Variants in PTPRD observed in about 807,000 individuals in gnomAD.
The protein encoded by PTPRD is protein tyrosine phosphatase receptor type D, also known as receptor-type tyrosine-protein phosphatase delta.
Under a neutral mutation model 214.5 loss-of-function variants are expected in PTPRD, and 34 were observed. That is an observed-to-expected ratio of 0.16 (90% confidence interval 0.12 to 0.21). The LOEUF is 0.21. Ranked by LOEUF, PTPRD falls within the 10% of genes least tolerant of loss-of-function variation. PTPRD has a pLI of 1.00. For missense variants in PTPRD, 2,545 were observed against 2,398.7 expected (o/e 1.06, Z -1.27); for synonymous variants, 1,128 against 845.7 (o/e 1.33, Z -5.79).
At chr9:8,478,368 G>T (rs542037374) in intron 30 of PTPRD, among the ~76,000 whole-genome samples, 2 of 152,148 alleles carry the variant, frequency 1.3e-5, no homozygotes, top group South Asian at 4.2e-4. Flanking sequence ...TTGTTTAAAA[G>T]AAAAAGTTGA....
intron 35 of PTPRD, among the ~76,000 whole-genome samples, chr9:8,421,604 G>A (rs967795748): frequency 6.6e-6 from 1 of 152,096 alleles, no homozygotes; most frequent in Non-Finnish European, 1.5e-5. Flanking sequence ...ACAGGCACCT[G>A]TATCACCCTA....
At chr9:9,173,430 C>G (rs767951989) in intron 10 of PTPRD, among the ~76,000 whole-genome samples, 8 of 152,062 alleles carry the variant, frequency 5.3e-5, no homozygotes, top group Non-Finnish European at 1.0e-4. Flanking sequence ...GGGATACATT[C>G]TGATAAATGT....
intron 11 of PTPRD, among the ~76,000 whole-genome samples, chr9:8,976,914 T>C (rs549756360): frequency 1.3e-5 from 2 of 152,202 alleles, no homozygotes; most frequent in South Asian, 2.1e-4. Context: ...TCTCTAACCC[T>C]GACTTTTCTT....
chr9:8,794,202 T>C (rs769890186), intron 11 of PTPRD, among the ~76,000 whole-genome samples: 9 of 152,070 alleles, frequency 5.9e-5, no homozygotes, highest in Non-Finnish European at 1.3e-4. Context: ...CTCCCTAAAC[T>C]CATTTAAAAA....
chr9:8,393,736 A>G (rs1334717113), intron 36 of PTPRD, among the ~76,000 whole-genome samples: 3 of 152,162 alleles, frequency 2.0e-5, no homozygotes, highest in Admixed American at 6.6e-5. Context: ...TTGTAACCCC[A>G]TAAATAATTG....
intron 11 of PTPRD, among the ~76,000 whole-genome samples, chr9:8,987,920 A>G (rs1165048454): frequency 6.6e-6 from 1 of 152,154 alleles, no homozygotes; most frequent in Non-Finnish European, 1.5e-5. Context: ...ATAAGGCTGA[A>G]TGACCCTTGT....
rs143637260 is a variant in PTPRD, at chr9:9,877,930, G to A, written c.-368+60577C>T. Among the ~76,000 whole-genome samples, 212 of 130,560 alleles carry A rather than the reference G, an allele frequency of 1.6e-3. 1 individual carries two copies. The highest frequency in any genetic ancestry group is 5.7e-3 in the African/African-American group (189 of 33,022). The allele number at this position is 130,560 out of a possible 152,430, so 85.7% of individuals were successfully genotyped here. On this transcript the variant is annotated intron_variant, in intron 5 of 45. Coordinates refer to ENST00000381196, the MANE Select transcript of PTPRD (RefSeq NM_002839.4). Reference sequence around the variant, plus strand: ...GGAGGTTGCGGTGAGCTGAGATCACGCCATTGCACTCCAACCTGGGCAACA... The same window carrying A: ...GGAGGTTGCGGTGAGCTGAGATCACACCATTGCACTCCAACCTGGGCAACA...
intron 11 of PTPRD, among the ~76,000 whole-genome samples, chr9:8,809,224 ATCTGTATATTCAG>A (rs1297519222): frequency 3.3e-5 from 5 of 152,170 alleles, no homozygotes; most frequent in African/African-American, 7.2e-5. Context: ...GTTTTGTAAT[ATCTGTATATTCAG>A]AGACTGAAAC....
intron 9 of PTPRD, among the ~76,000 whole-genome samples, chr9:9,284,409 C>T (rs1948723217): frequency 6.6e-6 from 1 of 151,600 alleles, no homozygotes; most frequent in Non-Finnish European, 1.5e-5. Flanking sequence ...TCTTGCTCTC[C>T]CTGAATGCCT....
rs562990910 is a variant in PTPRD at position 10,187,436 on chromosome 9, T to C, written c.-545+153527A>G. ...ATTTAGGCATTTGCACAAAGACCTC[T>C]CAACAAAAATTTACTTTACAGTTTG... is the stretch of plus-strand genomic sequence containing the variant. On this transcript the variant is annotated intron_variant, in intron 3 of 45. Coordinates refer to ENST00000381196, the MANE Select transcript of PTPRD (RefSeq NM_002839.4). Among the ~76,000 whole-genome samples the C allele has an allele frequency of 2.6e-5, 4 of 152,326 alleles. No homozygotes were observed. In the East Asian group the frequency reaches 7.7e-4, roughly 29 times the overall value.
chr9:8,535,340 C>T (rs962930894), intron 14 of PTPRD, among the ~76,000 whole-genome samples: 4 of 151,914 alleles, frequency 2.6e-5, no homozygotes, highest in African/African-American at 9.7e-5. Context: ...AGACACGCAA[C>T]TAAATTTAAA....
chr9:9,389,473 G>A (rs2065057204), intron 9 of PTPRD, among the ~76,000 whole-genome samples: 1 of 152,146 alleles, frequency 6.6e-6, no homozygotes, highest in East Asian at 1.9e-4. Context: ...TCGTGCCATT[G>A]CACTCCAGCT....
chr9:8,584,071 C>G (rs1264366821), intron 14 of PTPRD, among the ~76,000 whole-genome samples: 4 of 152,088 alleles, frequency 2.6e-5, no homozygotes, highest in African/African-American at 9.7e-5. Context: ...GGAGGATCAC[C>G]TGAGCCTGGT....
intron 6 of PTPRD, among the ~76,000 whole-genome samples, chr9:9,747,269 T>A (rs1013790272): frequency 6.6e-6 from 1 of 152,150 alleles, no homozygotes; most frequent in South Asian, 2.1e-4. Context: ...AGGCTCATGA[T>A]TTCCGATATG....
chr9:9,246,337 C>A (rs1176997924), intron 9 of PTPRD, among the ~76,000 whole-genome samples: 1 of 152,040 alleles, frequency 6.6e-6, no homozygotes, highest in Admixed American at 6.6e-5. Context: ...TGCAGCCCTG[C>A]AAGCTGAAGC....
At chr9:10,063,808 T>C (rs1428198815) in intron 3 of PTPRD, among the ~76,000 whole-genome samples, 1 of 151,978 alleles carries the variant, frequency 6.6e-6, no homozygotes, top group Admixed American at 6.6e-5. Context: ...GAAACATCTA[T>C]TGCAGGTAGC....
intron 12 of PTPRD, chr9:8,713,648 T>C: frequency 6.6e-7 from 1 of 1,522,374 alleles, no homozygotes; most frequent in East Asian, 2.3e-5. Context: ...TACCGAGACA[T>C]GGGCGCCCGG....
intron 11 of PTPRD, among the ~76,000 whole-genome samples, chr9:8,868,649 C>G (rs2098241844): frequency 6.6e-6 from 1 of 152,100 alleles, no homozygotes; most frequent in African/African-American, 2.4e-5. Flanking sequence ...TCTCCCAGCT[C>G]TAGGATTCTT....
At chr9:8,810,436 C>T (rs1467359103) in intron 11 of PTPRD, among the ~76,000 whole-genome samples, 10 of 152,086 alleles carry the variant, frequency 6.6e-5, no homozygotes, top group Admixed American at 1.3e-4. Context: ...CTGCTTTTAG[C>T]GTCTGAGTGG....
Sources: gnomAD v4.1 joint callset for allele counts (sites outside exome capture counted in the v4.1 genomes callset) on GRCh38, gnomAD v4.1.1 for gene constraint, MANE v1.5 for transcripts, NCBI Gene and HGNC (gene_info 2026-07-23, HGNC 2026-07-21) for gene names.